PCDH15: variants seen among roughly 807,000 people sequenced by gnomAD.
The protein encoded by PCDH15 is protocadherin related 15.
A neutral mutation model predicts 178.5 loss-of-function variants in PCDH15; 129 were observed. The observed-to-expected ratio is 0.72, with a 90% confidence interval of 0.63 to 0.84. The LOEUF (loss-of-function observed/expected upper bound fraction) is 0.84, where lower values mean the gene tolerates loss of function less well. PCDH15 is among the 40% of genes least tolerant of loss of function. PCDH15 has a pLI of 0.00. For synonymous variants in PCDH15, 800 were observed against 732.0 expected (o/e 1.09, Z -1.50); for missense variants, 2,230 against 2,099.9 (o/e 1.06, Z -1.21).
Position 54,865,125 on chromosome 10 carries a change from G to A in PCDH15, c.-29+32325C>T, listed in dbSNP as rs906604680. Among the ~76,000 whole-genome samples the A allele has an allele frequency of 3.3e-5, 5 of 152,168 alleles. No individual in the cohort carries two copies. In the East Asian group the frequency reaches 9.7e-4, roughly 29 times the overall value. On this transcript the variant is annotated intron_variant, in intron 3 of 5. Coordinates refer to the PCDH15 transcript ENST00000458638. ...TGTTTCTGGGTATGTCTGCGAGGGT[G>A]TTGCCATAGGAGATTAACACTTGAG...
intron 2 of PCDH15, among the ~76,000 whole-genome samples, chr10:55,531,241 C>T (rs116896136): frequency 5.3e-4 from 80 of 152,012 alleles, no homozygotes; most frequent in Admixed American, 9.2e-4. Context: ...TCATTGCTAC[C>T]TTTAAAGCCT....
At chr10:54,690,636 A>G (rs2095104036) in intron 1 of PCDH15, among the ~76,000 whole-genome samples, 1 of 152,086 alleles carries the variant, frequency 6.6e-6, no homozygotes, top group Admixed American at 6.6e-5. Flanking sequence ...TTTTATAGTT[A>G]TTTTAGAGTA....
intron 2 of PCDH15, among the ~76,000 whole-genome samples, chr10:55,104,304 C>T (rs1327295331): frequency 1.3e-5 from 2 of 151,940 alleles, no homozygotes; most frequent in Non-Finnish European, 2.9e-5. Context: ...TTGTCTGCTG[C>T]GTCTTGATCG....
intron 1 of PCDH15, among the ~76,000 whole-genome samples, chr10:54,688,363 G>A (rs1428203926): frequency 6.6e-6 from 1 of 151,896 alleles, no homozygotes; most frequent in East Asian, 1.9e-4. Flanking sequence ...TTGCTATTAT[G>A]TTAAAACACA....
intron 8 of PCDH15, among the ~76,000 whole-genome samples, chr10:54,309,653 G>A (rs544453630): frequency 6.6e-5 from 10 of 151,886 alleles, no homozygotes; most frequent in East Asian, 3.9e-4. Context: ...AAAATTAGCC[G>A]GGTGTGGTGG....
At chr10:54,890,846 T>C (rs899741359) in intron 3 of PCDH15, among the ~76,000 whole-genome samples, 3 of 152,096 alleles carry the variant, frequency 2.0e-5, no homozygotes, top group African/African-American at 7.2e-5. Context: ...TTGCAACTCA[T>C]CTAGACCTAA....
intron 2 of PCDH15, chr10:55,600,087 G>A (rs74136658): frequency 1.6e-4 from 87 of 546,468 alleles, no homozygotes; most frequent in Non-Finnish European, 2.2e-4. Flanking sequence ...TGGGGTGGCC[G>A]GGCACAGTGG....
intron 1 of PCDH15, among the ~76,000 whole-genome samples, chr10:55,173,593 T>C (rs1027387310): frequency 6.6e-6 from 1 of 152,094 alleles, no homozygotes; most frequent in African/African-American, 2.4e-5. Context: ...ACTTTCTCAA[T>C]TTATCCGTTT....
intron 2 of PCDH15, among the ~76,000 whole-genome samples, chr10:55,489,533 A>G (rs1840368875): frequency 6.6e-6 from 1 of 151,648 alleles, no homozygotes; most frequent in Admixed American, 6.6e-5. Context: ...TACCCCATGA[A>G]TAATTCTGGT....
At chr10:54,771,328 T>A (rs915899011) in intron 1 of PCDH15, among the ~76,000 whole-genome samples, 1 of 152,136 alleles carries the variant, frequency 6.6e-6, no homozygotes, top group Admixed American at 6.6e-5. Context: ...TTTATAGAAA[T>A]CATGTTGTCA....
chr10:54,731,545 GATATAT>G (rs1167781763), intron 1 of PCDH15, among the ~76,000 whole-genome samples: 1 of 80,256 alleles, frequency 1.2e-5, no homozygotes, highest in African/African-American at 4.7e-5. Context: ...ATGTGAGATA[GATATAT>G]ATATATATAT....
chr10:55,457,881 C>T (rs919097505), intron 2 of PCDH15, among the ~76,000 whole-genome samples: 1 of 152,074 alleles, frequency 6.6e-6, no homozygotes, highest in East Asian at 1.9e-4. Flanking sequence ...ATTAATAAGT[C>T]GGCTAACTAT....
intron 18 of PCDH15, among the ~76,000 whole-genome samples, chr10:54,032,743 C>T (rs2093327529): frequency 6.6e-6 from 1 of 151,922 alleles, no homozygotes; most frequent in South Asian, 2.1e-4. Context: ...CTATATTAGT[C>T]AGTTTTCACA....
chr10:54,161,598 C>A (rs1206010812), intron 13 of PCDH15, among the ~76,000 whole-genome samples: 1 of 146,872 alleles, frequency 6.8e-6, no homozygotes, highest in Non-Finnish European at 1.5e-5. Flanking sequence ...CACCCCCACC[C>A]CACCATACCC....
chr10:55,356,416 A>C (rs1462566613), intron 2 of PCDH15, among the ~76,000 whole-genome samples: 1 of 151,868 alleles, frequency 6.6e-6, no homozygotes, highest in Non-Finnish European at 1.5e-5. Context: ...ATGACTTGCC[A>C]CTGAGGAGCT....
At chr10:54,579,583 A>G (rs1776606221) in intron 2 of PCDH15, among the ~76,000 whole-genome samples, 1 of 152,062 alleles carries the variant, frequency 6.6e-6, no homozygotes, top group South Asian at 2.1e-4. Flanking sequence ...TCATCAATGC[A>G]AAATAACAAA....
chr10:54,873,379 A>G (rs1054695704), intron 3 of PCDH15, among the ~76,000 whole-genome samples: 1 of 151,770 alleles, frequency 6.6e-6, no homozygotes, highest in African/African-American at 2.4e-5. Context: ...TGGGTTAAGT[A>G]GCTTCTACAA....
chr10:54,656,211 A>G (rs1362162722), intron 2 of PCDH15, among the ~76,000 whole-genome samples: 5 of 152,120 alleles, frequency 3.3e-5, no homozygotes, highest in African/African-American at 4.8e-5. Context: ...AATGATCTGA[A>G]TGAAACACAG....
At chr10:54,448,513 C>T (rs2076276421) in intron 3 of PCDH15, among the ~76,000 whole-genome samples, 1 of 151,588 alleles carries the variant, frequency 6.6e-6, no homozygotes, top group Non-Finnish European at 1.5e-5. Flanking sequence ...TTCCCTCCAT[C>T]TCCTCCTAAT....
Sources: gnomAD v4.1 joint callset for allele counts (sites outside exome capture counted in the v4.1 genomes callset) on GRCh38, gnomAD v4.1.1 for gene constraint, MANE v1.5 for transcripts, NCBI Gene and HGNC (gene_info 2026-07-23, HGNC 2026-07-21) for gene names.